Variants in GALNT13 observed in about 807,000 individuals in gnomAD.
GALNT13 encodes UDP-GalNAc:polypeptide N-acetylgalactosaminyltransferase 13.
In GALNT13, 28 loss-of-function variants were observed where a neutral mutation model predicts 64.2. The observed-to-expected ratio is 0.44, with a 90% CI of 0.32 to 0.60. The LOEUF is 0.60. Among genes scored for constraint, GALNT13 ranks in the 20% least tolerant of loss-of-function variants. GALNT13 has a pLI of 0.05. For missense variants in GALNT13, 577 were observed against 669.8 expected, an observed-to-expected ratio of 0.86 and a Z score of 1.53; for synonymous variants, 214 against 224.6, an observed-to-expected ratio of 0.95 and a Z score of 0.42.
the GALNT13 span, among the ~76,000 whole-genome samples, chr2:153,396,742 G>T: frequency 6.6e-6 from 1 of 151,982 alleles, no homozygotes; most frequent in Non-Finnish European, 1.5e-5. Context: ...TCTTCCTCTG[G>T]GTCAAGTTGC....
At chr2:153,126,377 A>T in the GALNT13 span, among the ~76,000 whole-genome samples, 1 of 147,020 alleles carries the variant, frequency 6.8e-6, no homozygotes, top group Non-Finnish European at 1.5e-5. Context: ...AGATGTTAAA[A>T]TAATTTTCTT....
chr2:153,519,487 A>G, the GALNT13 span, among the ~76,000 whole-genome samples: 1 of 152,164 alleles, frequency 6.6e-6, no homozygotes, highest in South Asian at 2.1e-4. Context: ...GCTGGTCAGA[A>G]GCATTGTCTT....
chr2:154,164,952 C>G (rs556170743), intron 4 of GALNT13, among the ~76,000 whole-genome samples: 1 of 152,156 alleles, frequency 6.6e-6, no homozygotes, highest in South Asian at 2.1e-4. Context: ...AGCAAAGTAT[C>G]TGAAAAACAG....
chr2:153,400,135 T>A, the GALNT13 span, among the ~76,000 whole-genome samples: 1 of 151,752 alleles, frequency 6.6e-6, no homozygotes, highest in Admixed American at 6.6e-5. Flanking sequence ...TTAGCATGAA[T>A]GGTTGTTGAA....
intron 2 of GALNT13, among the ~76,000 whole-genome samples, chr2:153,904,844 G>A (rs1441150191): frequency 6.6e-6 from 1 of 151,708 alleles, no homozygotes; most frequent in Non-Finnish European, 1.5e-5. Flanking sequence ...ATTTTTGTGA[G>A]TGATGTGAGG....
the GALNT13 span, among the ~76,000 whole-genome samples, chr2:153,392,688 C>T: frequency 6.6e-6 from 1 of 152,150 alleles, no homozygotes; most frequent in Admixed American, 6.6e-5. Flanking sequence ...GAATTACATA[C>T]TCTTCTGAAT....
intron 3 of GALNT13, among the ~76,000 whole-genome samples, chr2:154,017,457 A>C (rs563509629): frequency 6.6e-5 from 10 of 152,104 alleles, no homozygotes; most frequent in Non-Finnish European, 1.5e-4. Context: ...AATGAAGACT[A>C]CTCTTTGAAA....
chr2:153,893,346 C>T (rs1027137447), intron 1 of GALNT13, among the ~76,000 whole-genome samples: 1 of 151,966 alleles, frequency 6.6e-6, no homozygotes, highest in African/African-American at 2.4e-5. Flanking sequence ...GTAATTAGTT[C>T]TTACCTATGC....
intron 4 of GALNT13, among the ~76,000 whole-genome samples, chr2:154,179,710 T>G (rs1223966231): frequency 6.6e-6 from 1 of 151,926 alleles, no homozygotes; most frequent in Non-Finnish European, 1.5e-5. Context: ...TTTCTTTTTC[T>G]CATCTGACCT....
the GALNT13 span, among the ~76,000 whole-genome samples, chr2:153,126,575 C>A: frequency 6.6e-6 from 1 of 151,940 alleles, no homozygotes; most frequent in Non-Finnish European, 1.5e-5. Context: ...CCACGTCTTT[C>A]CACTATGCCA....
the GALNT13 span, among the ~76,000 whole-genome samples, chr2:153,182,003 C>T: frequency 7.3e-5 from 11 of 150,240 alleles, no homozygotes; most frequent in African/African-American, 2.7e-4. Flanking sequence ...AAAATAAATT[C>T]TCATCCATTT....
chr2:154,000,378 G>A (rs550367348), intron 3 of GALNT13, among the ~76,000 whole-genome samples: 27 of 151,474 alleles, frequency 1.8e-4, no homozygotes, highest in African/African-American at 6.5e-4. Context: ...TTTTTCCTTT[G>A]TCTTGAGCTA....
intron 3 of GALNT13, among the ~76,000 whole-genome samples, chr2:154,098,090 CTT>C (rs10673538): frequency 5.4e-4 from 73 of 134,656 alleles, no homozygotes; most frequent in Middle Eastern, 4.0e-3. Flanking sequence ...GCTTGTCTTT[CTT>C]TTTTTTTTTT....
the GALNT13 span, among the ~76,000 whole-genome samples, chr2:153,522,312 G>A: frequency 2.0e-5 from 3 of 151,892 alleles, no homozygotes; most frequent in South Asian, 4.2e-4. Flanking sequence ...CAGCCTGGGC[G>A]ACAGAGTGAG....
the GALNT13 span, among the ~76,000 whole-genome samples, chr2:153,577,575 T>C: frequency 6.6e-5 from 10 of 152,094 alleles, no homozygotes; most frequent in African/African-American, 2.4e-4. Context: ...AAGAAAAGCG[T>C]GCTTTTCAGA....
At chr2:153,368,899 A>C in the GALNT13 span, among the ~76,000 whole-genome samples, 1 of 152,046 alleles carries the variant, frequency 6.6e-6, no homozygotes, top group South Asian at 2.1e-4. Flanking sequence ...TTGAATATAC[A>C]CTGAGATAAG....
At chr2:153,293,779 GTGTGTGTGTGTGTC>G in the GALNT13 span, among the ~76,000 whole-genome samples, 1 of 119,604 alleles carries the variant, frequency 8.4e-6, no homozygotes, top group Non-Finnish European at 1.8e-5. Flanking sequence ...GTGTGTGTGT[GTGTGTGTGTGTGTC>G]TGTGTGTGTG....
chr2:153,738,437 TC>T, the GALNT13 span, among the ~76,000 whole-genome samples: 25 of 152,100 alleles, frequency 1.6e-4, no homozygotes, highest in Non-Finnish European at 2.8e-4. Context: ...TTTAGCAACT[TC>T]TGAAATGTTG....
chr2:153,490,691 G>C, the GALNT13 span, among the ~76,000 whole-genome samples: 1 of 152,272 alleles, frequency 6.6e-6, no homozygotes, highest in South Asian at 2.1e-4. Flanking sequence ...TGAGCGCAGT[G>C]GCTCACACCT....
Sources: allele counts gnomAD v4.1 joint callset (sites outside exome capture counted in the v4.1 genomes callset), GRCh38; gene constraint gnomAD v4.1.1; transcripts MANE v1.5; gene names NCBI Gene and HGNC (gene_info 2026-07-23, HGNC 2026-07-21).